The following CTNND2 variants were observed in gnomAD, a reference collection of about 807,000 sequenced individuals.
The protein encoded by CTNND2 is catenin delta-2.
A neutral mutation model predicts 144.4 loss-of-function variants in CTNND2; 22 were observed. That is an observed-to-expected ratio of 0.15 (90% confidence interval 0.11 to 0.22). The LOEUF is 0.22. Among genes scored for constraint, CTNND2 ranks in the 10% least tolerant of loss-of-function variants. The pLI is 1.00. For missense variants in CTNND2, 1,353 were observed against 1,618.8 expected, an observed-to-expected ratio of 0.84 and a Z score of 2.82; for synonymous variants, 751 against 695.6, an observed-to-expected ratio of 1.08 and a Z score of -1.25.
chr5:11,857,156 A>G (rs550254205), intron 1 of CTNND2, among the ~76,000 whole-genome samples: 59 of 152,324 alleles, frequency 3.9e-4, no homozygotes, highest in African/African-American at 1.3e-3. Flanking sequence ...TGGTTTTCAC[A>G]GTTCAATTTC....
chr5:11,258,197 G>C (rs1051973979), intron 9 of CTNND2, among the ~76,000 whole-genome samples: 4 of 152,106 alleles, frequency 2.6e-5, no homozygotes, highest in Admixed American at 6.5e-5. Flanking sequence ...CTGCCCATCA[G>C]GGAACCAACA....
At chr5:11,879,347 A>ATATATATATATATATATATATATATATG (rs1735830325) in intron 1 of CTNND2, among the ~76,000 whole-genome samples, 1 of 134,518 alleles carries the variant, frequency 7.4e-6, no homozygotes, top group South Asian at 2.4e-4. Flanking sequence ...GTGTGTATAT[A>ATATATATATATATATATATATATATATG]TATATATATA....
chr5:11,499,551 G>A (rs1341320926), intron 3 of CTNND2, among the ~76,000 whole-genome samples: 1 of 152,206 alleles, frequency 6.6e-6, no homozygotes, highest in South Asian at 2.1e-4. Context: ...GTTTTTGGCT[G>A]AAGTATTTTT....
chr5:11,254,107 A>T (rs1458456646), intron 9 of CTNND2, among the ~76,000 whole-genome samples: 1 of 152,220 alleles, frequency 6.6e-6, no homozygotes, highest in Non-Finnish European at 1.5e-5. Context: ...TTGGATTTTT[A>T]AAATTTACAT....
At chr5:11,901,534 G>A (rs532339711) in intron 1 of CTNND2, among the ~76,000 whole-genome samples, 1 of 152,320 alleles carries the variant, frequency 6.6e-6, no homozygotes, top group South Asian at 2.1e-4. Context: ...TAGAAATACT[G>A]TAATTTGACA....
chr5:11,358,861 T>A (rs756162511), intron 8 of CTNND2, among the ~76,000 whole-genome samples: 2 of 152,204 alleles, frequency 1.3e-5, no homozygotes, highest in African/African-American at 2.4e-5. Context: ...TTGCAACATA[T>A]CTATGATAAT....
chr5:11,041,126 A>C (rs1161750473), intron 16 of CTNND2, among the ~76,000 whole-genome samples: 1 of 152,216 alleles, frequency 6.6e-6, no homozygotes, highest in Non-Finnish European at 1.5e-5. Context: ...CTTAATGATT[A>C]ATTATATAAT....
chr5:11,645,448 C>T (rs1448763166), intron 2 of CTNND2, among the ~76,000 whole-genome samples: 1 of 152,120 alleles, frequency 6.6e-6, no homozygotes, highest in Non-Finnish European at 1.5e-5. Context: ...TTGTATTTGC[C>T]TAAAAAGGTT....
intron 16 of CTNND2, among the ~76,000 whole-genome samples, chr5:11,054,173 C>A (rs967409635): frequency 1.3e-5 from 2 of 152,180 alleles, no homozygotes; most frequent in Admixed American, 1.3e-4. Flanking sequence ...AGCAGCAACA[C>A]GGCTACTGCT....
At chr5:11,151,309 T>C (rs1025537770) in intron 12 of CTNND2, among the ~76,000 whole-genome samples, 27 of 152,354 alleles carry the variant, frequency 1.8e-4, no homozygotes, top group African/African-American at 6.3e-4. Context: ...TCTTATGCAA[T>C]GTAATGTAAT....
rs531595833 is a variant in CTNND2 at position 11,587,553 on chromosome 5, CA to C, written c.175-22498del. 9.1e-4 allele frequency among the ~76,000 whole-genome samples: 138 copies of C among 152,034 alleles called. 1 individual carries two copies. Among genetic ancestry groups the C allele is most frequent in the African/African-American group, 3.2e-3 (133 of 41,522 alleles). ...TGATAAAATTAAATCATTTTTAAGTCAACATGGTCATTCTTCACACTTAGTT... is the reference window on the plus strand; with the variant it reads ...TGATAAAATTAAATCATTTTTAAGTCACATGGTCATTCTTCACACTTAGTT... On this transcript the variant is annotated intron_variant, in intron 2 of 21. Transcript: ENST00000304623.
chr5:11,200,525 T>C (rs1345887359), intron 10 of CTNND2, among the ~76,000 whole-genome samples: 1 of 152,204 alleles, frequency 6.6e-6, no homozygotes, highest in African/African-American at 2.4e-5. Flanking sequence ...AATACCCTTC[T>C]TTTACACTTT....
Position 11,022,884 on chromosome 5 carries a change from C to T in CTNND2, c.2884G>A (p.Ala962Thr). The change falls in exon 17 of 22, where the codon GCT (alanine) becomes ACT (threonine). Residue 962 changes from alanine (A) to threonine (T), a missense_variant. Coordinates refer to ENST00000304623, the MANE Select transcript of CTNND2 (RefSeq NM_001332.4). ...SKAMSDDTVT[A>T]VCCTLHEVIT... ...ACTTCGTGCAGTGTGCAGCAGACAG[C>T]TGTCACTGTGTCATCCGACATGGCC... 1 of 1,614,212 alleles carries T rather than the reference C, an allele frequency of 6.2e-7. No individual in the cohort carries two copies.
chr5:11,674,048 C>T (rs186561285), intron 2 of CTNND2, among the ~76,000 whole-genome samples: 42 of 152,288 alleles, frequency 2.8e-4, no homozygotes, highest in Admixed American at 1.1e-3. Flanking sequence ...CAGAAAAAGT[C>T]CTTCTTAAAT....
At chr5:11,900,306 G>A (rs1439442930) in intron 1 of CTNND2, among the ~76,000 whole-genome samples, 1 of 152,130 alleles carries the variant, frequency 6.6e-6, no homozygotes, top group Non-Finnish European at 1.5e-5. Context: ...GCACTTAACT[G>A]CTATGTGATC....
At chr5:11,023,169 T>A (rs1445735915) in intron 16 of CTNND2, among the ~76,000 whole-genome samples, 190 bp from the exon 17 acceptor site, 1 of 152,172 alleles carries the variant, frequency 6.6e-6, no homozygotes, top group Non-Finnish European at 1.5e-5. Context: ...TCATTCCTCA[T>A]GGCAGTGCAT....
intron 3 of CTNND2, among the ~76,000 whole-genome samples, chr5:11,492,835 C>T (rs569815209): frequency 6.6e-6 from 1 of 152,060 alleles, no homozygotes; most frequent in South Asian, 2.1e-4. Context: ...CTTTGGGATG[C>T]TGAGGGGGGC....
At chr5:11,519,826 T>C (rs957756872) in intron 3 of CTNND2, among the ~76,000 whole-genome samples, 2 of 151,840 alleles carry the variant, frequency 1.3e-5, no homozygotes, top group African/African-American at 2.4e-5. Context: ...TTTTACCTGA[T>C]AAGGAGTGAC....
At chr5:11,104,851 C>T (rs1311819829) in intron 14 of CTNND2, among the ~76,000 whole-genome samples, 2 of 152,150 alleles carry the variant, frequency 1.3e-5, no homozygotes, top group Non-Finnish European at 2.9e-5. Flanking sequence ...ATTAGAAACC[C>T]GCATTAAAGA....
Sources: allele counts gnomAD v4.1 joint callset (sites outside exome capture counted in the v4.1 genomes callset), GRCh38; gene constraint gnomAD v4.1.1; transcripts MANE v1.5; gene names NCBI Gene and HGNC (gene_info 2026-07-23, HGNC 2026-07-21).